Variants in CASK observed in about 807,000 individuals in gnomAD.
CASK encodes calcium/calmodulin dependent serine protein kinase.
A neutral mutation model predicts 82.9 loss-of-function variants in CASK; 4 were observed. That is an observed-to-expected ratio of 0.05 (90% CI 0.02 to 0.11). CASK has a LOEUF of 0.11. Ranked by LOEUF, CASK falls within the 10% of genes least tolerant of loss-of-function variation. The pLI is 1.00. For synonymous variants in CASK, 259 were observed against 253.5 expected (o/e 1.02, Z -0.20); for missense variants, 358 against 720.9 (o/e 0.50, Z 5.76).
intron 16 of CASK, among the ~76,000 whole-genome samples, chrX:41,568,245 C>T (rs1408158194): frequency 9.6e-6 from 1 of 104,610 alleles, no homozygotes; most frequent in African/African-American, 3.5e-5. Context: ...TAATAAAAAA[C>T]AAAAAAGAAA....
intron 2 of CASK, among the ~76,000 whole-genome samples, chrX:41,827,064 C>A (rs1222745411): frequency 9.0e-6 from 1 of 111,523 alleles, no homozygotes; most frequent in Non-Finnish European, 1.9e-5. Flanking sequence ...AGAGAAAGAT[C>A]TAAAAGAGAT....
chrX:41,868,249 GAAGA>G (rs2071626823), intron 1 of CASK, among the ~76,000 whole-genome samples: 1 of 111,947 alleles, frequency 8.9e-6, no homozygotes, highest in Non-Finnish European at 1.9e-5. Flanking sequence ...AACCAGTAGG[GAAGA>G]AATAGGGAAT....
At chrX:41,719,150 C>A (rs1278521406) in intron 5 of CASK, among the ~76,000 whole-genome samples, 1 of 111,834 alleles carries the variant, frequency 8.9e-6, no homozygotes, top group Non-Finnish European at 1.9e-5. Context: ...TGAAGCCAAG[C>A]CTGTCTCTAC....
intron 22 of CASK, among the ~76,000 whole-genome samples, chrX:41,537,168 A>C (rs1231640708): frequency 8.9e-6 from 1 of 111,766 alleles, no homozygotes; most frequent in Non-Finnish European, 1.9e-5. Flanking sequence ...CATCAAAACC[A>C]CAAACAGACA....
At chrX:41,840,248 T>G (rs1403468994) in intron 2 of CASK, among the ~76,000 whole-genome samples, 1 of 112,155 alleles carries the variant, frequency 8.9e-6, no homozygotes, top group African/African-American at 3.2e-5. Context: ...CTTTTTTGAT[T>G]TCTTTCATCA....
intron 2 of CASK, among the ~76,000 whole-genome samples, chrX:41,845,153 C>T (rs1049082185): frequency 8.9e-6 from 1 of 111,940 alleles, no homozygotes; most frequent in Non-Finnish European, 1.9e-5. Context: ...GTATAGTCTC[C>T]TGTTGTTGAG....
At chrX:41,583,521 C>T (rs1446541375) in intron 14 of CASK, among the ~76,000 whole-genome samples, 3 of 110,666 alleles carry the variant, frequency 2.7e-5, no homozygotes, top group Non-Finnish European at 5.7e-5. Flanking sequence ...ACTGAAACCT[C>T]TGTCTCCTGG....
At chrX:41,887,612 T>C (rs2072073290) in intron 1 of CASK, among the ~76,000 whole-genome samples, 1 of 111,247 alleles carries the variant, frequency 9.0e-6, no homozygotes, top group Non-Finnish European at 1.9e-5. Context: ...CTCTTTTCAG[T>C]AAATCATAAG....
chrX:41,663,195 C>T (rs963037666), intron 7 of CASK, among the ~76,000 whole-genome samples: 4 of 110,889 alleles, frequency 3.6e-5, no homozygotes, highest in African/African-American at 1.3e-4. Flanking sequence ...TATTTTTGTT[C>T]GAAATTTTTG....
intron 9 of CASK, among the ~76,000 whole-genome samples, chrX:41,632,817 C>T (rs1377513854): frequency 1.5e-4 from 17 of 110,272 alleles, no homozygotes; most frequent in Admixed American, 2.9e-4. Flanking sequence ...GAGGCCGAGG[C>T]GGGCGGATCA....
At chrX:41,536,907 C>T (rs2064881319) in intron 22 of CASK, among the ~76,000 whole-genome samples, 1 of 111,250 alleles carries the variant, frequency 9.0e-6, no homozygotes, top group African/African-American at 3.3e-5. Flanking sequence ...AGACCTATTG[C>T]CCTCTGAGTG....
chrX:41,731,192 G>C (rs1326682136), intron 5 of CASK, among the ~76,000 whole-genome samples: 1 of 112,578 alleles, frequency 8.9e-6, no homozygotes, highest in Non-Finnish European at 1.9e-5. Flanking sequence ...GGCTGAAGTG[G>C]GGGGATCACT....
rs778355267 is a variant in CASK at position 41,645,195 on chromosome X, C to G, written c.832-8534G>C. On this transcript the variant is annotated intron_variant, in intron 8 of 26. Transcript: ENST00000378163. Reference sequence around the variant, plus strand: ...AATCGCACTTTAAAAACCCAATTGTCCCAACAGTCTGAACAACCAAAACAT... The same window carrying G: ...AATCGCACTTTAAAAACCCAATTGTGCCAACAGTCTGAACAACCAAAACAT... Among the ~76,000 whole-genome samples, 12 of 111,475 alleles carry G rather than the reference C, an allele frequency of 1.1e-4. No individual in the cohort carries two copies. The South Asian group carries it at 3.4e-3, about 31-fold the overall frequency.
At chrX:41,785,874 T>C (rs747685661) in intron 3 of CASK, among the ~76,000 whole-genome samples, 3 of 111,607 alleles carry the variant, frequency 2.7e-5, no homozygotes, top group Admixed American at 1.9e-4. Context: ...GTGTGTAATT[T>C]TGGAGATTAG....
chrX:41,705,937 A>G (rs1248795162), intron 5 of CASK, among the ~76,000 whole-genome samples: 2 of 109,254 alleles, frequency 1.8e-5, no homozygotes, highest in Admixed American at 9.8e-5. Flanking sequence ...ACTCAGCAGC[A>G]CCTCTCTCTT....
chrX:41,647,262 G>A (rs745800692), intron 8 of CASK, among the ~76,000 whole-genome samples: 6 of 112,286 alleles, frequency 5.3e-5, no homozygotes, highest in East Asian at 2.8e-4. Flanking sequence ...GCATCACCCC[G>A]TATTCCTATA....
At chrX:41,616,167 T>C (rs1304507057) in intron 11 of CASK, among the ~76,000 whole-genome samples, 1 of 111,725 alleles carries the variant, frequency 9.0e-6, no homozygotes, top group Non-Finnish European at 1.9e-5. Flanking sequence ...TGCGTGCTTG[T>C]TCACTCTTTT....
At chrX:41,556,953 C>T (rs1457465846) in intron 19 of CASK, 79 bp downstream of exon 19, 1 of 743,723 alleles carries the variant, frequency 1.3e-6, no homozygotes, top group East Asian at 3.2e-5. Context: ...TTCCACTGAA[C>T]ACATGTAACT....
intron 11 of CASK, among the ~76,000 whole-genome samples, chrX:41,621,404 C>T (rs886560068): frequency 3.6e-5 from 4 of 112,088 alleles, no homozygotes; most frequent in African/African-American, 9.7e-5. Context: ...ACTTTTGCCC[C>T]CCTCTTTTAT....
Sources: gnomAD v4.1 joint callset for allele counts (sites outside exome capture counted in the v4.1 genomes callset) on GRCh38, gnomAD v4.1.1 for gene constraint, MANE v1.5 for transcripts, NCBI Gene and HGNC (gene_info 2026-07-23, HGNC 2026-07-21) for gene names.